Variants in CNBD1 observed in about 807,000 individuals in gnomAD.
CNBD1 encodes the protein cyclic nucleotide binding domain containing 1, also known as cyclic nucleotide-binding domain-containing protein 1.
Under a neutral mutation model 54.4 loss-of-function variants are expected in CNBD1, and 71 were observed. That is an observed-to-expected ratio of 1.30 (90% CI 1.08 to 1.59). The LOEUF (loss-of-function observed/expected upper bound fraction) is 1.59, where lower values mean the gene tolerates loss of function less well. Among genes scored for constraint, CNBD1 ranks in the 40% most tolerant of loss-of-function variants. The pLI, the probability that CNBD1 is intolerant of heterozygous loss-of-function variation, is 0.00. For synonymous variants in CNBD1, 182 were observed against 170.7 expected, an observed-to-expected ratio of 1.07 and a Z score of -0.51; for missense variants, 659 against 518.0, an observed-to-expected ratio of 1.27 and a Z score of -2.64.
At chr8:87,372,318 T>A (rs1272844756) in intron 10 of CNBD1, among the ~76,000 whole-genome samples, 1 of 152,048 alleles carries the variant, frequency 6.6e-6, no homozygotes, top group African/African-American at 2.4e-5. Context: ...ATGGGCCCTG[T>A]TGTAGATATC....
chr8:87,145,814 C>T (rs374441968), intron 4 of CNBD1, among the ~76,000 whole-genome samples: 2 of 152,076 alleles, frequency 1.3e-5, no homozygotes, highest in East Asian at 3.9e-4. Flanking sequence ...ATCCCTATTT[C>T]AGTTCATGGT....
chr8:87,394,606 C>T (rs866442889), intron 2 of CNBD1, among the ~76,000 whole-genome samples: 1 of 151,888 alleles, frequency 6.6e-6, no homozygotes, highest in African/African-American at 2.4e-5. Flanking sequence ...TGGTGATAAA[C>T]ATCTACCCTT....
chr8:87,277,481 G>A (rs1410014286), intron 6 of CNBD1, among the ~76,000 whole-genome samples: 1 of 151,726 alleles, frequency 6.6e-6, no homozygotes, highest in East Asian at 1.9e-4. Context: ...CCGTGATCCA[G>A]TCAAATTGAC....
intron 4 of CNBD1, among the ~76,000 whole-genome samples, chr8:87,153,503 C>T (rs1019254137): frequency 2.8e-4 from 42 of 152,030 alleles, no homozygotes; most frequent in African/African-American, 8.9e-4. Context: ...AAATCGTGGA[C>T]CAAGGCAATG....
intron 10 of CNBD1, among the ~76,000 whole-genome samples, chr8:87,361,301 TA>T (rs1408596430): frequency 6.6e-6 from 1 of 151,818 alleles, no homozygotes; most frequent in Non-Finnish European, 1.5e-5. Context: ...GAGGAAAAAA[TA>T]ATATTTTATT....
At chr8:87,389,645 A>G (rs1811267380) in intron 2 of CNBD1, among the ~76,000 whole-genome samples, 1 of 152,224 alleles carries the variant, frequency 6.6e-6, no homozygotes, top group South Asian at 2.1e-4. Context: ...ATGGGTAGGA[A>G]GAATCAATAT....
intron 8 of CNBD1, among the ~76,000 whole-genome samples, chr8:87,297,170 A>C (rs1368679458): frequency 1.3e-5 from 1 of 77,368 alleles, no homozygotes; most frequent in Non-Finnish European, 3.5e-5. Context: ...TCTCAAAAAA[A>C]AAAAAAAAAA....
intron 4 of CNBD1, among the ~76,000 whole-genome samples, chr8:87,167,382 C>T (rs932414589): frequency 1.3e-5 from 2 of 151,828 alleles, no homozygotes; most frequent in Non-Finnish European, 2.9e-5. Context: ...TATGATCATC[C>T]TTCAATTATA....
intron 4 of CNBD1, among the ~76,000 whole-genome samples, chr8:87,035,338 A>T (rs1349007165): frequency 6.6e-6 from 1 of 152,132 alleles, no homozygotes; most frequent in Non-Finnish European, 1.5e-5. Flanking sequence ...TTCTCATTGG[A>T]TACAATGTTC....
At chr8:87,327,827 C>G (rs1029078043) in intron 8 of CNBD1, among the ~76,000 whole-genome samples, 1 of 152,132 alleles carries the variant, frequency 6.6e-6, no homozygotes, top group South Asian at 2.1e-4. Flanking sequence ...TGGCTCCTCC[C>G]CCTTTTCTTA....
chr8:87,228,441 G>T (rs1814566175), intron 5 of CNBD1, among the ~76,000 whole-genome samples: 1 of 148,832 alleles, frequency 6.7e-6, no homozygotes, highest in Non-Finnish European at 1.5e-5. Flanking sequence ...CTTTCTGTTT[G>T]TTAGTTTTCC....
intron 4 of CNBD1, among the ~76,000 whole-genome samples, chr8:87,202,081 C>T (rs181366210): frequency 1.3e-5 from 2 of 152,128 alleles, no homozygotes; most frequent in Non-Finnish European, 2.9e-5. Context: ...CCAAGAGAAG[C>T]TGGAATACGC....
At chr8:87,101,268 T>A (rs1185161316) in intron 4 of CNBD1, among the ~76,000 whole-genome samples, 1 of 152,144 alleles carries the variant, frequency 6.6e-6, no homozygotes, top group Non-Finnish European at 1.5e-5. Context: ...ATTGTTAACA[T>A]CTTCAAAAAC....
chr8:86,956,778 G>A (rs1807783245), intron 4 of CNBD1, among the ~76,000 whole-genome samples: 1 of 152,162 alleles, frequency 6.6e-6, no homozygotes, highest in Middle Eastern at 3.2e-3. Context: ...TCTGCAAACA[G>A]GGACAATTTG....
chr8:87,001,878 A>G (rs552416124), intron 4 of CNBD1, among the ~76,000 whole-genome samples: 13 of 152,290 alleles, frequency 8.5e-5, no homozygotes, highest in East Asian at 7.7e-4. Flanking sequence ...ATGAGTATCA[A>G]TGAAGTGTTC....
intron 4 of CNBD1, among the ~76,000 whole-genome samples, chr8:87,126,942 A>G (rs532975011): frequency 1.6e-3 from 247 of 151,970 alleles, no homozygotes; most frequent in Admixed American, 2.7e-3. Flanking sequence ...AAATTTGTTC[A>G]TAAATGATTG....
chr8:87,064,241 TTAAA>T (rs1477400333), intron 4 of CNBD1, among the ~76,000 whole-genome samples: 1 of 151,990 alleles, frequency 6.6e-6, no homozygotes, highest in African/African-American at 2.4e-5. Context: ...CATATCTGAT[TTAAA>T]TAAATAATCT....
intron 3 of CNBD1, among the ~76,000 whole-genome samples, chr8:86,922,050 G>T (rs1451509830): frequency 1.3e-5 from 2 of 152,082 alleles, no homozygotes; most frequent in Non-Finnish European, 2.9e-5. Flanking sequence ...AGGCTTTCTT[G>T]AGGAAGGAAT....
At chr8:87,027,962 C>T (rs1809690971) in intron 4 of CNBD1, among the ~76,000 whole-genome samples, 1 of 152,152 alleles carries the variant, frequency 6.6e-6, no homozygotes, top group Admixed American at 6.5e-5. Context: ...ACAAAAATTC[C>T]TTACGAATTT....
Sources: allele counts gnomAD v4.1 joint callset (sites outside exome capture counted in the v4.1 genomes callset), GRCh38; gene constraint gnomAD v4.1.1; transcripts MANE v1.5; gene names NCBI Gene and HGNC (gene_info 2026-07-23, HGNC 2026-07-21).